Variants in NAV3 observed in about 807,000 individuals in gnomAD.
The protein encoded by NAV3 is pore membrane and/or filament interacting like protein 1.
NAV3 carries 87 observed loss-of-function variants against 244.7 expected under a neutral mutation model. That is an observed-to-expected ratio of 0.36 (90% CI 0.30 to 0.42). NAV3 has a LOEUF of 0.42. Ranked by LOEUF, NAV3 falls within the 20% of genes least tolerant of loss-of-function variation. The pLI is 1.00. For synonymous variants in NAV3, 1,126 were observed against 1,042.2 expected, an observed-to-expected ratio of 1.08 and a Z score of -1.55; for missense variants, 2,663 against 2,893.3, an observed-to-expected ratio of 0.92 and a Z score of 1.83.
At chr12:77,986,122 G>C (rs1055472760) in intron 5 of NAV3, among the ~76,000 whole-genome samples, 2 of 152,162 alleles carry the variant, frequency 1.3e-5, no homozygotes, top group East Asian at 3.8e-4. Context: ...AGCACTTTGG[G>C]AGGCCAAGGC....
At chr12:78,084,590 C>G (rs114161280) in intron 12 of NAV3, among the ~76,000 whole-genome samples, 148 of 152,208 alleles carry the variant, frequency 9.7e-4, no homozygotes, top group African/African-American at 3.2e-3. Flanking sequence ...CACTCTCTCT[C>G]TCTCTTTCTC....
chr12:78,043,358 T>G (rs1881214940), intron 9 of NAV3, among the ~76,000 whole-genome samples: 1 of 152,214 alleles, frequency 6.6e-6, no homozygotes, highest in African/African-American at 2.4e-5. Context: ...TGGTTCCAAG[T>G]CTTTGCTATT....
chr12:77,803,814 G>A (rs1406301324), intron 2 of NAV3, among the ~76,000 whole-genome samples: 11 of 152,072 alleles, frequency 7.2e-5, no homozygotes, highest in African/African-American at 1.9e-4. Context: ...TTTCATGATC[G>A]CCATTCTAAC....
intron 1 of NAV3, among the ~76,000 whole-genome samples, chr12:77,841,150 T>C (rs1392899984): frequency 6.6e-6 from 1 of 152,174 alleles, no homozygotes. Context: ...CTGCAAATCA[T>C]AGAATTATTT....
intron 2 of NAV3, among the ~76,000 whole-genome samples, chr12:77,809,054 G>C (rs544470292): frequency 6.6e-6 from 1 of 152,304 alleles, no homozygotes; most frequent in South Asian, 2.1e-4. Context: ...GTCGACTTCA[G>C]AATGCTGTGC....
At chr12:77,808,628 T>A (rs1227043809) in intron 2 of NAV3, among the ~76,000 whole-genome samples, 1 of 152,122 alleles carries the variant, frequency 6.6e-6, no homozygotes, top group African/African-American at 2.4e-5. Flanking sequence ...CTGGGAGGTG[T>A]CTCCCAGTCA....
intron 2 of NAV3, among the ~76,000 whole-genome samples, chr12:77,756,009 G>T (rs1869156755): frequency 6.6e-6 from 1 of 152,134 alleles, no homozygotes; most frequent in Non-Finnish European, 1.5e-5. Context: ...CTTTGAAATA[G>T]ATCAACTTTT....
At chr12:78,197,526 T>TA (rs1477655224) in intron 35 of NAV3, 125 bp downstream of exon 35, 1 of 637,444 alleles carries the variant, frequency 1.6e-6, no homozygotes, top group African/African-American at 1.9e-5. Flanking sequence ...AATTGACAGA[T>TA]AAAACTGTAC....
intron 2 of NAV3, among the ~76,000 whole-genome samples, chr12:77,811,492 T>G (rs1310164902): frequency 6.6e-6 from 1 of 152,232 alleles, no homozygotes; most frequent in Non-Finnish European, 1.5e-5. Flanking sequence ...CAAAGCACTT[T>G]TTCAAGTTTG....
intron 30 of NAV3, among the ~76,000 whole-genome samples, chr12:78,182,370 T>A (rs1379022877): frequency 3.3e-5 from 5 of 152,044 alleles, no homozygotes; most frequent in Non-Finnish European, 5.9e-5. Flanking sequence ...CATCTCATAA[T>A]GACCAGTGCA....
chr12:77,693,037 G>A lies in NAV3; in HGVS notation c.72+120771G>A, dbSNP rs920470074. Among the ~76,000 whole-genome samples the A allele has an allele frequency of 7.2e-5, 11 of 152,150 alleles. No individual in the cohort carries two copies. The East Asian group carries it at 7.8e-4, about 11-fold the overall frequency. ...GGAACATTCCTATTAGGGAAGCAGCGTGTATAAAAGCCCTCCAAAAAATAG... is the reference window on the plus strand; with the variant it reads ...GGAACATTCCTATTAGGGAAGCAGCATGTATAAAAGCCCTCCAAAAAATAG... On this transcript the variant is annotated intron_variant, in intron 2 of 8. Transcript: ENST00000550042.
intron 1 of NAV3, among the ~76,000 whole-genome samples, chr12:77,839,776 C>T (rs1875302205): frequency 6.6e-6 from 1 of 152,106 alleles, no homozygotes; most frequent in African/African-American, 2.4e-5. Flanking sequence ...AACATTTCAA[C>T]CAGGTCTTGA....
chr12:78,014,937 A>G (rs1177558537), intron 8 of NAV3, among the ~76,000 whole-genome samples: 1 of 152,108 alleles, frequency 6.6e-6, no homozygotes, highest in African/African-American at 2.4e-5. Context: ...TAGGTTTGAT[A>G]TGTATCTGCA....
At chr12:78,030,888 A>G (rs1190203174) in intron 9 of NAV3, among the ~76,000 whole-genome samples, 2 of 152,172 alleles carry the variant, frequency 1.3e-5, no homozygotes, top group Non-Finnish European at 2.9e-5. Context: ...ATTCTTCTTA[A>G]CTTACTCTTT....
chr12:77,633,295 T>C (rs756988928), intron 2 of NAV3, among the ~76,000 whole-genome samples: 20 of 152,094 alleles, frequency 1.3e-4, no homozygotes, highest in Non-Finnish European at 1.9e-4. Context: ...TTAATCATCA[T>C]TACCATAATT....
intron 1 of NAV3, among the ~76,000 whole-genome samples, chr12:77,924,755 T>G (rs1426992406): frequency 6.6e-6 from 1 of 152,148 alleles, no homozygotes; most frequent in East Asian, 1.9e-4. Flanking sequence ...ACATGTGCAA[T>G]GGTTATTTGA....
At chr12:77,798,519 C>T (rs897276675) in intron 2 of NAV3, among the ~76,000 whole-genome samples, 17 of 149,428 alleles carry the variant, frequency 1.1e-4, no homozygotes, top group African/African-American at 3.9e-4. Context: ...ATTATTTAAT[C>T]CTTGAGCCTC....
At chr12:78,096,595 G>A (rs1319891545) in intron 12 of NAV3, among the ~76,000 whole-genome samples, 1 of 152,158 alleles carries the variant, frequency 6.6e-6, no homozygotes, top group Non-Finnish European at 1.5e-5. Context: ...GCAGACAAGA[G>A]AGCATGTGCA....
intron 19 of NAV3, among the ~76,000 whole-genome samples, chr12:78,139,865 G>GA (rs1222226096): frequency 5.9e-5 from 9 of 152,046 alleles, no homozygotes; most frequent in Non-Finnish European, 1.2e-4. Context: ...ATTATATGGA[G>GA]AAAAAAATCT....
Sources: gnomAD v4.1 joint callset for allele counts (sites outside exome capture counted in the v4.1 genomes callset) on GRCh38, gnomAD v4.1.1 for gene constraint, MANE v1.5 for transcripts, NCBI Gene and HGNC (gene_info 2026-07-23, HGNC 2026-07-21) for gene names.